The following DGAT2L6 variants were observed in gnomAD, a reference collection of about 807,000 sequenced individuals.
DGAT2L6 encodes diacylglycerol O-acyltransferase 2 like 6, also known as diacylglycerol O-acyltransferase 2-like protein 6.
Under a neutral mutation model 25.5 loss-of-function variants are expected in DGAT2L6, and 22 were observed. The observed-to-expected ratio is 0.86, with a 90% CI of 0.62 to 1.23. The LOEUF is 1.23. Ranked by LOEUF, DGAT2L6 falls within the 50% of genes most tolerant of loss-of-function variation. The pLI is 0.00. For missense variants in DGAT2L6, 287 were observed against 253.2 expected, an observed-to-expected ratio of 1.13 and a Z score of -0.91; for synonymous variants, 100 against 94.7, an observed-to-expected ratio of 1.06 and a Z score of -0.32.
In DGAT2L6 at chrX:70,202,044, G is replaced by T. The variant is rs2085412471; in HGVS notation, c.627G>T (p.Val209=). Residue 209 remains valine, a synonymous_variant, in exon 5 of 7, where the codon GTG becomes GTT. Transcript: ENST00000333026. ...TCCTCAAGCAGCGTAAAGGTTTTGT[G>T]AAGATGGCACTGCAAACAGGGTGGG... The part of the protein sequence containing the change: ...TLFLKQRKGF[V]KMALQTGAYL... 8.3e-7 allele frequency: 1 copy of T among 1,197,675 alleles called. No individual in the cohort carries two copies. The highest frequency in any genetic ancestry group is 1.1e-6 in the Non-Finnish European group (1 of 889,343).
chrX:70,182,303 T>C (rs1056516484), intron 1 of DGAT2L6, among the ~76,000 whole-genome samples: 2 of 109,707 alleles, frequency 1.8e-5, no homozygotes, highest in Middle Eastern at 4.6e-3. Flanking sequence ...ACAGCCCCTC[T>C]GAGAGCCAGC....
At chrX:70,184,171 A>G (rs1372547137) in intron 1 of DGAT2L6, among the ~76,000 whole-genome samples, 2 of 111,895 alleles carry the variant, frequency 1.8e-5, no homozygotes, top group South Asian at 7.6e-4. Flanking sequence ...ACCCTGTACC[A>G]TAACAGAAAC....
Position 70,201,881 on chromosome X carries a change from G to A in DGAT2L6, c.473-9G>A. 1 of 1,157,808 alleles carries A rather than the reference G, an allele frequency of 8.6e-7. No homozygotes were observed. On this transcript the variant is annotated splice_polypyrimidine_tract_variant and intron_variant, in intron 4 of 6. Transcript: ENST00000333026. Reference sequence around the variant, plus strand: ...AGTTTTTCTACCACTTGACTCTTTGGTTTCACAGGTGTGTGCCCTGTGAGT... The same window carrying A: ...AGTTTTTCTACCACTTGACTCTTTGATTTCACAGGTGTGTGCCCTGTGAGT...
At chrX:70,190,882 A>G (rs1446840130) in intron 1 of DGAT2L6, among the ~76,000 whole-genome samples, 1 of 112,166 alleles carries the variant, frequency 8.9e-6, no homozygotes, top group Non-Finnish European at 1.9e-5. Context: ...ACACCTGTCC[A>G]TGCCCATGGA....
intron 6 of DGAT2L6, 101 bp from the exon 7 acceptor site, chrX:70,204,851 G>A (rs1569207713): frequency 1.0e-6 from 1 of 963,733 alleles, no homozygotes; most frequent in Non-Finnish European, 1.4e-6. Flanking sequence ...AGAAGGGGAG[G>A]AAAGCCAGAT....
At chrX:70,204,284 C>T (rs2147611969) in intron 5 of DGAT2L6, 21 bp from the exon 6 acceptor site, 1 of 1,173,837 alleles carries the variant, frequency 8.5e-7, no homozygotes, top group Non-Finnish European at 1.2e-6. Context: ...AGAGCTCACA[C>T]TCCTGCCCCT....
Position 70,205,476 on chromosome X carries a change from T to C in DGAT2L6, c.*370T>C. The C allele has an allele frequency of 6.9e-6, 1 of 144,626 alleles. No individual in the cohort carries two copies. The highest frequency in any genetic ancestry group is 1.3e-5 in the Non-Finnish European group (1 of 74,299). The allele number at this position is 144,626 out of a possible 1,213,427, so 11.9% of individuals were successfully genotyped here. A position where few individuals can be genotyped will look rare whatever the true frequency, so the allele number is the denominator to read the frequency against. Reference sequence around the variant, plus strand: ...CTTTCTCCTAAACCTTAGTTCACCATCACTACGTAGGTTTAGACTTAGAAG... The same window carrying C: ...CTTTCTCCTAAACCTTAGTTCACCACCACTACGTAGGTTTAGACTTAGAAG... On this transcript the variant is annotated 3_prime_UTR_variant, in exon 7 of 7. Transcript: ENST00000333026.
Position 70,177,524 on chromosome X carries a change from C to A in DGAT2L6, c.-59C>A. ...AGCAAAGCATCTATAATCAACTCAG[C>A]TTAAGAAGTTTTGACCTTCTGGTTA... On this transcript the variant is annotated 5_prime_UTR_variant, in exon 1 of 7. Transcript: ENST00000333026. 1.9e-6 allele frequency: 2 copies of A among 1,044,209 alleles called. No homozygotes were observed. The highest frequency in any genetic ancestry group is 2.7e-6 in the Non-Finnish European group (2 of 749,306). 86.1% of individuals were successfully genotyped at this position (1,044,209 alleles called of 1,213,427 possible).
intron 1 of DGAT2L6, among the ~76,000 whole-genome samples, chrX:70,189,953 A>G (rs1007691407): frequency 3.6e-5 from 4 of 112,205 alleles, no homozygotes; most frequent in Non-Finnish European, 7.5e-5. Context: ...AAAAATTTAT[A>G]TAGAAAAACA....
chrX:70,190,330 T>C (rs1243762228), intron 1 of DGAT2L6, among the ~76,000 whole-genome samples: 1 of 111,820 alleles, frequency 8.9e-6, no homozygotes, highest in Non-Finnish European at 1.9e-5. Context: ...ATCACATCTC[T>C]CCAGAGCAAC....
intron 1 of DGAT2L6, among the ~76,000 whole-genome samples, chrX:70,179,796 G>T (rs1474186459): frequency 9.1e-6 from 1 of 109,869 alleles, no homozygotes; most frequent in Non-Finnish European, 1.9e-5. Flanking sequence ...TCAAACTGCT[G>T]ACCTCAGGTG....
chrX:70,178,102 C>T (rs556865497), intron 1 of DGAT2L6, among the ~76,000 whole-genome samples: 1 of 108,376 alleles, frequency 9.2e-6, no homozygotes, highest in South Asian at 4.2e-4. Flanking sequence ...TGCCACTGCA[C>T]TCCAGCCTGG....
rs865874781 is a variant in DGAT2L6 at position 70,185,865 on chromosome X, G to T, written c.85+8198G>T. On this transcript the variant is annotated intron_variant, in intron 1 of 6. Coordinates refer to ENST00000333026, the MANE Select transcript of DGAT2L6 (RefSeq NM_198512.3). ...GACAAACTACTTTTGTTTTTTTTTTGTTTTGTTTTTTTGTTTTTTTTTTTT... is the reference window on the plus strand; with the variant it reads ...GACAAACTACTTTTGTTTTTTTTTTTTTTTGTTTTTTTGTTTTTTTTTTTT... Among the ~76,000 whole-genome samples, 32 of 92,376 alleles carry T rather than the reference G, an allele frequency of 3.5e-4. 1 individual carries two copies. The highest frequency in any genetic ancestry group is 3.8e-4 in the Non-Finnish European group (18 of 47,058). 80.2% of individuals were successfully genotyped at this position (92,376 alleles called of 115,157 possible).
intron 1 of DGAT2L6, among the ~76,000 whole-genome samples, chrX:70,185,884 T>G (rs1425258595): frequency 9.1e-6 from 1 of 110,250 alleles, no homozygotes; most frequent in Admixed American, 9.6e-5. Context: ...TTTTGTTTTT[T>G]TTTTTTAAAT....
intron 2 of DGAT2L6, 25 bp downstream of exon 2, chrX:70,199,406 G>A: frequency 9.2e-7 from 1 of 1,081,458 alleles, no homozygotes; most frequent in Non-Finnish European, 1.3e-6. Context: ...CACAATGGTG[G>A]TCCTGTTTGG....
At chrX:70,196,516 A>AAAAAAAG (rs2085392379) in intron 1 of DGAT2L6, among the ~76,000 whole-genome samples, 2 of 101,040 alleles carry the variant, frequency 2.0e-5, no homozygotes, top group Non-Finnish European at 4.1e-5. Flanking sequence ...AGAAAAAAGA[A>AAAAAAAG]AAAAAAAGAA....
At chrX:70,187,083 G>T (rs2085361855) in intron 1 of DGAT2L6, among the ~76,000 whole-genome samples, 1 of 112,038 alleles carries the variant, frequency 8.9e-6, no homozygotes, top group Admixed American at 9.5e-5. Flanking sequence ...CAGACAAAAG[G>T]CTGCAGTCCA....
intron 1 of DGAT2L6, among the ~76,000 whole-genome samples, chrX:70,189,627 T>C (rs1250157845): frequency 8.9e-6 from 1 of 111,872 alleles, no homozygotes; most frequent in Non-Finnish European, 1.9e-5. Context: ...CGCATAAATA[T>C]TAAATTTCCC....
chrX:70,181,032 G>A (rs2085341651), intron 1 of DGAT2L6, among the ~76,000 whole-genome samples: 1 of 112,071 alleles, frequency 8.9e-6, no homozygotes, highest in Non-Finnish European at 1.9e-5. Flanking sequence ...ACATCTCTTT[G>A]AGACTCTGCT....
Sources: gnomAD v4.1 joint callset for allele counts (sites outside exome capture counted in the v4.1 genomes callset) on GRCh38, gnomAD v4.1.1 for gene constraint, MANE v1.5 for transcripts, NCBI Gene and HGNC (gene_info 2026-07-23, HGNC 2026-07-21) for gene names.